The following HMGCLL1 variants were observed in gnomAD, a reference collection of about 807,000 sequenced individuals.
HMGCLL1 encodes 3-hydroxymethyl-3-methylglutaryl-CoA lyase, cytoplasmic.
In HMGCLL1, 36 loss-of-function variants were observed where a neutral mutation model predicts 39.1. That is an observed-to-expected ratio of 0.92 (90% CI 0.71 to 1.22). The LOEUF (loss-of-function observed/expected upper bound fraction) is 1.22. HMGCLL1 is among the 50% of genes most tolerant of loss of function. The probability of loss-of-function intolerance (pLI) is 0.00; values close to 1 mark genes in which losing one functional copy is unlikely to be tolerated. For missense variants in HMGCLL1, 451 were observed against 416.5 expected, an observed-to-expected ratio of 1.08 and a Z score of -0.72; for synonymous variants, 149 against 144.0, an observed-to-expected ratio of 1.03 and a Z score of -0.25.
chr6:55,647,642 A>G, the HMGCLL1 span, among the ~76,000 whole-genome samples: 2 of 151,670 alleles, frequency 1.3e-5, no homozygotes, highest in East Asian at 1.9e-4. Context: ...CTGACTGCAT[A>G]AACAAACAAA....
At chr6:55,566,606 C>CT in intron 1 of HMGCLL1, 2 of 456,084 alleles carry the variant, frequency 4.4e-6, no homozygotes, top group Non-Finnish European at 8.8e-6. Flanking sequence ...TCATTACATC[C>CT]TTCAATGTTT....
At chr6:55,573,978 C>T (rs547488193) in intron 1 of HMGCLL1, among the ~76,000 whole-genome samples, 3 of 152,048 alleles carry the variant, frequency 2.0e-5, no homozygotes, top group South Asian at 4.2e-4. Flanking sequence ...TAAGACAAAT[C>T]GCTGATTTTA....
At chr6:55,545,724 A>T (rs1034642346) in intron 1 of HMGCLL1, among the ~76,000 whole-genome samples, 1 of 152,090 alleles carries the variant, frequency 6.6e-6, no homozygotes, top group African/African-American at 2.4e-5. Flanking sequence ...GAATTATTGA[A>T]TTCTACGTGC....
chr6:55,435,716 T>C lies in HMGCLL1; in HGVS notation c.969A>G (p.Lys323=). 1 of 1,605,920 alleles carries C rather than the reference T, an allele frequency of 6.2e-7. No individual in the cohort carries two copies. Among genetic ancestry groups the C allele is most frequent in the Non-Finnish European group, 8.5e-7 (1 of 1,174,886 alleles). The change falls in exon 9 of 9, where the codon AAA becomes AAG. Residue 323 remains lysine, a synonymous_variant. Coordinates refer to ENST00000274901, the MANE Select transcript of HMGCLL1 (RefSeq NM_001042406.2). ...TAGAGTTTGTGGTTTTATTCACAGC[T>C]TTGCAAATAAAGTCACCAGCTTCCA... The part of the protein sequence containing the change: ...KVMEAGDFIC[K]AVNKTTNSKV...
chr6:55,548,407 A>G (rs1008949270), intron 1 of HMGCLL1, among the ~76,000 whole-genome samples: 4 of 152,074 alleles, frequency 2.6e-5, no homozygotes, highest in African/African-American at 9.7e-5. Context: ...CTGGAAATAT[A>G]TACATTATAT....
chr6:55,578,751 G>C (rs887390314), intron 1 of HMGCLL1, among the ~76,000 whole-genome samples, 197 bp downstream of exon 1: 2 of 152,196 alleles, frequency 1.3e-5, no homozygotes, highest in African/African-American at 2.4e-5. Flanking sequence ...CTGTAGAGGC[G>C]GGTCGATACA....
At chr6:55,621,065 C>T in the HMGCLL1 span, among the ~76,000 whole-genome samples, 1 of 151,934 alleles carries the variant, frequency 6.6e-6, no homozygotes, top group Non-Finnish European at 1.5e-5. Context: ...GTGATTCTTC[C>T]AGTTTTATTC....
intron 7 of HMGCLL1, among the ~76,000 whole-genome samples, chr6:55,467,126 T>C (rs1272637927): frequency 1.3e-5 from 2 of 152,038 alleles, no homozygotes; most frequent in African/African-American, 2.4e-5. Flanking sequence ...GTCTATAAAT[T>C]AGGTAATTCT....
chr6:55,468,733 T>C (rs1764899257), intron 7 of HMGCLL1, among the ~76,000 whole-genome samples: 1 of 151,922 alleles, frequency 6.6e-6, no homozygotes, highest in Non-Finnish European at 1.5e-5. Context: ...GAAGACAAAA[T>C]CAAAATTTAA....
chr6:55,517,781 G>T (rs1767821808), intron 3 of HMGCLL1, among the ~76,000 whole-genome samples: 1 of 151,970 alleles, frequency 6.6e-6, no homozygotes. Flanking sequence ...CTTTCAATTA[G>T]TATAATCTGC....
In HMGCLL1 at chr6:55,567,043, A is replaced by G. The variant is rs73744634; in HGVS notation, c.108+11905T>C. Among the ~76,000 whole-genome samples, 426 of 152,242 alleles carry G rather than the reference A, an allele frequency of 2.8e-3. 2 individuals are homozygous for G. Among genetic ancestry groups the G allele is most frequent in the African/African-American group, 8.5e-3 (354 of 41,576 alleles). On this transcript the variant is annotated intron_variant, in intron 1 of 8. Transcript: ENST00000274901. ...TTGGGATAACAGAAAACTAAATAAAATATAGCCACATCCCTTAAAAAGACC... is the reference window on the plus strand; with the variant it reads ...TTGGGATAACAGAAAACTAAATAAAGTATAGCCACATCCCTTAAAAAGACC...
In HMGCLL1 at chr6:55,473,092, T is replaced by G. The variant is rs140478866; in HGVS notation, c.795+22327A>C. Reference sequence around the variant, plus strand: ...TCATTTGATTGGTGTTAGTATGTCATGTATACTTTTTCTATCCCTTTACTT... The same window carrying G: ...TCATTTGATTGGTGTTAGTATGTCAGGTATACTTTTTCTATCCCTTTACTT... On this transcript the variant is annotated intron_variant, in intron 7 of 8. Transcript: ENST00000274901. Among the ~76,000 whole-genome samples, 227 of 151,562 alleles carry G rather than the reference T, an allele frequency of 1.5e-3. 1 individual carries two copies. The highest frequency in any genetic ancestry group is 2.6e-3 in the Non-Finnish European group (179 of 67,580).
At chr6:55,599,815 A>T in the HMGCLL1 span, among the ~76,000 whole-genome samples, 1 of 152,184 alleles carries the variant, frequency 6.6e-6, no homozygotes, top group Non-Finnish European at 1.5e-5. Flanking sequence ...TAGTGAAAAC[A>T]AATGTACTGC....
intron 7 of HMGCLL1, among the ~76,000 whole-genome samples, chr6:55,473,844 C>T (rs578109856): frequency 6.6e-6 from 1 of 151,420 alleles, no homozygotes; most frequent in South Asian, 2.1e-4. Flanking sequence ...TTTGTTTCTA[C>T]TTCACTTCTG....
At chr6:55,513,687 T>G in intron 5 of HMGCLL1, 1 of 236,346 alleles carries the variant, frequency 4.2e-6, no homozygotes. Flanking sequence ...GAAAACCACA[T>G]TAGGTGATTC....
chr6:55,646,493 G>C, the HMGCLL1 span, among the ~76,000 whole-genome samples: 2 of 151,392 alleles, frequency 1.3e-5, no homozygotes, highest in South Asian at 4.2e-4. Context: ...TTCTTCTTTA[G>C]TGGACATTTT....
At chr6:55,650,126 T>TACACAC in the HMGCLL1 span, among the ~76,000 whole-genome samples, 2 of 53,754 alleles carry the variant, frequency 3.7e-5, no homozygotes, top group African/African-American at 7.9e-5. Context: ...TATATATATA[T>TACACAC]ATATATATAC....
the HMGCLL1 span, among the ~76,000 whole-genome samples, chr6:55,661,153 C>T: frequency 1.6e-4 from 24 of 152,018 alleles, no homozygotes; most frequent in Admixed American, 5.9e-4. Context: ...TATTTTTGCT[C>T]ACTCTATAGG....
At chr6:55,634,413 A>G in the HMGCLL1 span, among the ~76,000 whole-genome samples, 2 of 152,202 alleles carry the variant, frequency 1.3e-5, no homozygotes, top group South Asian at 4.1e-4. Flanking sequence ...AGCTTTTGCT[A>G]CTTGACTTTA....
Sources: gnomAD v4.1 joint callset for allele counts (sites outside exome capture counted in the v4.1 genomes callset) on GRCh38, gnomAD v4.1.1 for gene constraint, MANE v1.5 for transcripts, NCBI Gene and HGNC (gene_info 2026-07-23, HGNC 2026-07-21) for gene names.